The following CYP19A1 variants were observed in gnomAD, a reference collection of about 807,000 sequenced individuals.
The protein encoded by CYP19A1 is aromatase.
A neutral mutation model predicts 44.4 loss-of-function variants in CYP19A1; 32 were observed. That is an observed-to-expected ratio of 0.72 (90% CI 0.54 to 0.97). CYP19A1 has a LOEUF of 0.97. CYP19A1 is among the 50% of genes least tolerant of loss of function. The pLI is 0.00. For missense variants in CYP19A1, 598 were observed against 637.8 expected (o/e 0.94, Z 0.67); for synonymous variants, 212 against 215.6 (o/e 0.98, Z 0.14).
At chr15:51,287,340 G>T (rs2035728767) in intron 1 of CYP19A1, among the ~76,000 whole-genome samples, 1 of 152,182 alleles carries the variant, frequency 6.6e-6, no homozygotes, top group Non-Finnish European at 1.5e-5. Flanking sequence ...GTCTCCCACA[G>T]GCATTACTAA....
chr15:51,214,653 A>G (rs918261763), intron 8 of CYP19A1, among the ~76,000 whole-genome samples: 4 of 152,238 alleles, frequency 2.6e-5, no homozygotes, highest in Admixed American at 2.6e-4. Context: ...AACATTGTAT[A>G]TGATCCCATG....
At chr15:51,214,401 C>T (rs1244537120) in intron 8 of CYP19A1, among the ~76,000 whole-genome samples, 1 of 152,110 alleles carries the variant, frequency 6.6e-6, no homozygotes, top group Non-Finnish European at 1.5e-5. Context: ...AGCTCCCCTG[C>T]AGAGGGCAGG....
chr15:51,277,913 A>G (rs2140965748), intron 1 of CYP19A1: 1 of 151,822 alleles, frequency 6.6e-6, no homozygotes, highest in East Asian at 1.9e-4. Flanking sequence ...TCAAAAATGA[A>G]CATATTTCAA....
intron 4 of CYP19A1, 57 bp from the exon 5 acceptor site, chr15:51,222,582 C>T (rs1008540605): frequency 1.4e-6 from 2 of 1,460,002 alleles, no homozygotes; most frequent in Non-Finnish European, 1.9e-6. Context: ...CACACACAAT[C>T]ATGCCATTTT....
At chr15:51,330,025 C>G (rs1054127535) in intron 1 of CYP19A1, among the ~76,000 whole-genome samples, 1 of 152,018 alleles carries the variant, frequency 6.6e-6, no homozygotes, top group Admixed American at 6.6e-5. Context: ...ATAAAGTCAG[C>G]CAGTCAGAGA....
intron 8 of CYP19A1, 39 bp from the exon 9 acceptor site, chr15:51,212,600 A>C (rs774237801): frequency 3.1e-5 from 41 of 1,328,178 alleles, no homozygotes; most frequent in Non-Finnish European, 4.1e-5. Flanking sequence ...AGGTAATGTT[A>C]GTTTCCATCT....
chr15:51,335,024 C>T (rs1287286920), intron 1 of CYP19A1, among the ~76,000 whole-genome samples: 2 of 152,194 alleles, frequency 1.3e-5, no homozygotes, highest in Non-Finnish European at 2.9e-5. Context: ...ATTTCTCCCT[C>T]TGCCCAATCC....
chr15:51,281,877 T>C (rs2035530997), intron 1 of CYP19A1, among the ~76,000 whole-genome samples: 1 of 152,206 alleles, frequency 6.6e-6, no homozygotes, highest in African/African-American at 2.4e-5. Flanking sequence ...TTAAGTCTCT[T>C]CCTTCTAATT....
chr15:51,277,310 G>A (rs1422401410), intron 1 of CYP19A1: 2 of 152,110 alleles, frequency 1.3e-5, no homozygotes, highest in East Asian at 1.9e-4. Flanking sequence ...TTTATTGAAG[G>A]AGTACAGATG....
At chr15:51,288,284 T>A (rs1885124461) in intron 1 of CYP19A1, among the ~76,000 whole-genome samples, 2 of 152,076 alleles carry the variant, frequency 1.3e-5, no homozygotes, top group African/African-American at 4.8e-5. Context: ...CCCAGCCCAA[T>A]CTGGAGACAG....
chr15:51,300,208 G>A (rs1312567248), intron 1 of CYP19A1, among the ~76,000 whole-genome samples: 1 of 152,144 alleles, frequency 6.6e-6, no homozygotes, highest in Non-Finnish European at 1.5e-5. Context: ...GTTTTGAGGA[G>A]GAAGTGACTC....
chr15:51,256,301 A>G (rs1445745394), intron 1 of CYP19A1, among the ~76,000 whole-genome samples: 1 of 152,218 alleles, frequency 6.6e-6, no homozygotes, highest in Non-Finnish European at 1.5e-5. Context: ...ACTATACAAG[A>G]TTCCTTTTAC....
chr15:51,211,141 C>G, intron 9 of CYP19A1, 85 bp from the exon 10 acceptor site: 4 of 890,694 alleles, frequency 4.5e-6, no homozygotes, highest in Non-Finnish European at 7.5e-6. Context: ...AAACATGGGT[C>G]AGTCAGAACA....
chr15:51,211,642 A>G (rs1296043556), intron 9 of CYP19A1: 1 of 438,636 alleles, frequency 2.3e-6, no homozygotes, highest in Non-Finnish European at 4.5e-6. Context: ...AACAAAATGA[A>G]TTAGAGTACT....
intron 1 of CYP19A1, among the ~76,000 whole-genome samples, chr15:51,278,572 T>A (rs868285050): frequency 1.3e-5 from 2 of 152,194 alleles, no homozygotes; most frequent in African/African-American, 4.8e-5. Context: ...TAAGGAAAAT[T>A]AAAGAAAAAT....
chr15:51,292,451 G>T (rs78310952), intron 1 of CYP19A1, among the ~76,000 whole-genome samples: 1 of 152,190 alleles, frequency 6.6e-6, no homozygotes, highest in Admixed American at 6.5e-5. Context: ...AGCATGTGAC[G>T]ACAAGGTGCC....
chr15:51,255,089 C>A (rs1189674605), intron 1 of CYP19A1, among the ~76,000 whole-genome samples: 1 of 152,002 alleles, frequency 6.6e-6, no homozygotes, highest in East Asian at 1.9e-4. Flanking sequence ...TGAGTGTTTG[C>A]CAGGAGAAGA....
At chr15:51,264,769 C>T (rs1285844894) in intron 1 of CYP19A1, among the ~76,000 whole-genome samples, 1 of 152,144 alleles carries the variant, frequency 6.6e-6, no homozygotes, top group Non-Finnish European at 1.5e-5. Context: ...AGCGGTGGCA[C>T]ACCTCTCAGT....
chr15:51,210,288 C>T lies in CYP19A1; in HGVS notation c.*520G>A, dbSNP rs1324658794. The T allele has an allele frequency of 4.4e-6, 2 of 458,296 alleles. No individual in the cohort carries two copies. Among genetic ancestry groups the T allele is most frequent in the African/African-American group, 4.0e-5 (2 of 50,002 alleles). The allele number at this position is 458,296 out of a possible 1,614,324, so 28.4% of individuals were successfully genotyped here. A position where few individuals can be genotyped will look rare whatever the true frequency, so the allele number is the denominator to read the frequency against. ...AAGGGTCAAATGCTGAATTTCTAAG[C>T]ATTTCTCCAAAGACTATGAATGTTG... is the stretch of plus-strand genomic sequence containing the variant. On this transcript the variant is annotated 3_prime_UTR_variant, in exon 10 of 10. Coordinates refer to ENST00000396402, the MANE Select transcript of CYP19A1 (RefSeq NM_000103.4).
Sources: allele counts gnomAD v4.1 joint callset (sites outside exome capture counted in the v4.1 genomes callset), GRCh38; gene constraint gnomAD v4.1.1; transcripts MANE v1.5; gene names NCBI Gene and HGNC (gene_info 2026-07-23, HGNC 2026-07-21).